Variants in ABCA5 observed in about 807,000 individuals in gnomAD.
ABCA5 encodes cholesterol transporter ABCA5.
In ABCA5, 163 loss-of-function variants were observed where a neutral mutation model predicts 206.0. The observed-to-expected ratio is 0.79, with a 90% CI of 0.70 to 0.90. ABCA5 has a LOEUF of 0.90. ABCA5 is among the 40% of genes least tolerant of loss of function. The probability of loss-of-function intolerance (pLI) is 0.00; values close to 1 mark genes in which losing one functional copy is unlikely to be tolerated. For missense variants in ABCA5, 1,859 were observed against 1,912.9 expected (o/e 0.97, Z 0.53); for synonymous variants, 609 against 613.8 (o/e 0.99, Z 0.11).
chr17:69,277,640 C>T lies in ABCA5; in HGVS notation c.2594+1G>A, dbSNP rs1487608474. On this transcript the variant is annotated splice_donor_variant, in intron 19 of 38. Transcript: ENST00000392676. LOFTEE classifies it high-confidence loss of function. ...GGTATAAGGGTGATAATTATACTTA[C>T]ACTGATCTCACTGATTTACTTTCAC... The T allele has an allele frequency of 1.9e-6, 3 of 1,606,554 alleles. No individual in the cohort carries two copies. Among genetic ancestry groups the T allele is most frequent in the East Asian group, 2.2e-5 (1 of 44,676 alleles).
chr17:69,310,533 A>C (rs1001709993), intron 3 of ABCA5, among the ~76,000 whole-genome samples: 2 of 152,184 alleles, frequency 1.3e-5, no homozygotes, highest in South Asian at 4.1e-4. Flanking sequence ...CTAAATAGGC[A>C]TTTTAGTAAC....
At chr17:69,273,044 T>C (rs926998392) in intron 20 of ABCA5, among the ~76,000 whole-genome samples, 2 of 152,186 alleles carry the variant, frequency 1.3e-5, no homozygotes, top group Non-Finnish European at 1.5e-5. Flanking sequence ...TTTTAATATT[T>C]TGAAAATCAG....
intron 9 of ABCA5, among the ~76,000 whole-genome samples, chr17:69,299,351 T>A (rs2075625034): frequency 6.6e-6 from 1 of 151,940 alleles, no homozygotes; most frequent in Admixed American, 6.6e-5. Context: ...ATGTGAAAAA[T>A]ATACTTCCCC....
intron 20 of ABCA5, among the ~76,000 whole-genome samples, chr17:69,273,447 C>CTATTTATT (rs144553920): frequency 0.19 from 26,755 of 144,596 alleles, 3,011 homozygotes; most frequent in African/African-American, 0.31. Context: ...ATTTTTTTAA[C>CTATTTATT]TATTTATTTA....
chr17:69,280,992 C>G (rs1425341064), intron 18 of ABCA5, among the ~76,000 whole-genome samples: 14 of 151,418 alleles, frequency 9.2e-5, no homozygotes. Context: ...TGTAACTAAC[C>G]TGCACAATGT....
chr17:69,270,445 T>C (rs1007855778), intron 22 of ABCA5, among the ~76,000 whole-genome samples, 168 bp downstream of exon 22: 2 of 152,112 alleles, frequency 1.3e-5, no homozygotes, highest in African/African-American at 4.8e-5. Flanking sequence ...ATACTTCTAC[T>C]GGGGAATCCT....
At chr17:69,291,872 G>A (rs1348011501) in intron 11 of ABCA5, among the ~76,000 whole-genome samples, 1 of 152,132 alleles carries the variant, frequency 6.6e-6, no homozygotes, top group East Asian at 1.9e-4. Context: ...CAACACTTTG[G>A]GAGGCTGAGG....
At chr17:69,294,128 G>C (rs565985191) in intron 11 of ABCA5, among the ~76,000 whole-genome samples, 4 of 152,070 alleles carry the variant, frequency 2.6e-5, no homozygotes, top group Non-Finnish European at 5.9e-5. Context: ...TCAAATAATT[G>C]AGTATTTTTC....
intron 24 of ABCA5, among the ~76,000 whole-genome samples, chr17:69,262,637 A>G (rs899367835): frequency 3.3e-5 from 5 of 152,160 alleles, no homozygotes; most frequent in Admixed American, 3.3e-4. Flanking sequence ...TCACTGGTCA[A>G]TGGGCTCCTA....
At chr17:69,299,671 C>T (rs749509405) in intron 9 of ABCA5, among the ~76,000 whole-genome samples, 17 of 150,620 alleles carry the variant, frequency 1.1e-4, no homozygotes, top group African/African-American at 3.4e-4. Flanking sequence ...GACATAAGAA[C>T]GATACAATGG....
At chr17:69,264,453 G>C (rs527932930) in intron 24 of ABCA5, among the ~76,000 whole-genome samples, 13 of 152,250 alleles carry the variant, frequency 8.5e-5, no homozygotes, top group Admixed American at 2.0e-4. Context: ...GCATTTTAAG[G>C]AAGGAATATA....
chr17:69,296,068 T>G (rs180946493), intron 10 of ABCA5, among the ~76,000 whole-genome samples: 124 of 152,332 alleles, frequency 8.1e-4, no homozygotes, highest in African/African-American at 2.9e-3. Flanking sequence ...TTTATGGATT[T>G]TTTTTCATTT....
chr17:69,281,041 AAAAT>A (rs1394436905), intron 18 of ABCA5, among the ~76,000 whole-genome samples: 45 of 149,520 alleles, frequency 3.0e-4, no homozygotes, highest in African/African-American at 1.0e-3. Flanking sequence ...ATAATAAAAA[AAAAT>A]AAAAATAAAT....
At chr17:69,310,373 T>G (rs2075757448) in intron 3 of ABCA5, among the ~76,000 whole-genome samples, 1 of 152,196 alleles carries the variant, frequency 6.6e-6, no homozygotes, top group Non-Finnish European at 1.5e-5. Flanking sequence ...ACTCCTGGCC[T>G]CAAGTGATCC....
At position 69,255,772 on chromosome 17, in the gene ABCA5, TCTTTA is replaced by T. The variant is rs1450748189; in HGVS notation, c.3932_3936del (p.Val1311GlufsTer5). The T allele has an allele frequency of 6.3e-7, 1 of 1,598,432 alleles. No individual in the cohort carries two copies. Among genetic ancestry groups the T allele is most frequent in the Non-Finnish European group, 8.5e-7 (1 of 1,175,136 alleles). ...AAAGAGATGTATTTAGTTGCCACTT[TCTTTA>T]CTTTTCTTGAAAGAAGAAAATCTTT... On this transcript the variant is annotated frameshift_variant, in exon 30 of 39. Coordinates refer to ENST00000392676, the MANE Select transcript of ABCA5 (RefSeq NM_172232.4). LOFTEE classifies it high-confidence loss of function.
chr17:69,265,426 T>G (rs978735077), intron 23 of ABCA5, among the ~76,000 whole-genome samples: 2 of 152,124 alleles, frequency 1.3e-5, no homozygotes, highest in African/African-American at 2.4e-5. Context: ...TGTACACTGG[T>G]ATAGCATATA....
chr17:69,297,499 T>C (rs1172518904), intron 9 of ABCA5, 140 bp from the exon 10 acceptor site: 2 of 678,534 alleles, frequency 2.9e-6, no homozygotes, highest in Non-Finnish European at 2.4e-6. Flanking sequence ...CATCATGTTG[T>C]ACACAATAAA....
chr17:69,312,172 T>C (rs2075776926), intron 3 of ABCA5, among the ~76,000 whole-genome samples: 1 of 152,214 alleles, frequency 6.6e-6, no homozygotes, highest in Admixed American at 6.5e-5. Context: ...ATTAATAGCA[T>C]AAGAATTTCT....
rs1301263315 is a variant in ABCA5, at chr17:69,279,984, C to A, written c.2393-2142G>T. ...GGACATAGGCATGGGGAAGGACTTC[C>A]TGTCTAAAACACCAAAAGCAATAGC... On this transcript the variant is annotated intron_variant, in intron 18 of 38. Coordinates refer to ENST00000392676, the MANE Select transcript of ABCA5 (RefSeq NM_172232.4). Among the ~76,000 whole-genome samples, 8 of 152,230 alleles carry A rather than the reference C, an allele frequency of 5.3e-5. No individual in the cohort carries two copies. In the East Asian group the frequency reaches 1.2e-3, roughly 22 times the overall value.
Sources: allele counts gnomAD v4.1 joint callset (sites outside exome capture counted in the v4.1 genomes callset), GRCh38; gene constraint gnomAD v4.1.1; transcripts MANE v1.5; gene names NCBI Gene and HGNC (gene_info 2026-07-23, HGNC 2026-07-21).